Variants in BBX observed in about 807,000 individuals in gnomAD.
BBX encodes the protein BBX high mobility group box domain containing.
A neutral mutation model predicts 100.2 loss-of-function variants in BBX; 30 were observed. The ratio of observed to expected loss-of-function variants is 0.30; its 90% CI spans 0.22 to 0.41. The LOEUF is 0.41. BBX is among the 10% of genes least tolerant of loss of function. The probability of loss-of-function intolerance (pLI) is 1.00; values close to 1 mark genes in which losing one functional copy is unlikely to be tolerated. For synonymous variants in BBX, 376 were observed against 388.1 expected, an observed-to-expected ratio of 0.97 and a Z score of 0.37; for missense variants, 1,023 against 1,129.8, an observed-to-expected ratio of 0.91 and a Z score of 1.35.
At chr3:107,779,015 A>ATG (rs1304276904) in intron 13 of BBX, among the ~76,000 whole-genome samples, 12 of 72,166 alleles carry the variant, frequency 1.7e-4, no homozygotes, top group Non-Finnish European at 3.9e-4. Flanking sequence ...ATATATATAT[A>ATG]TATATACACA....
chr3:107,805,160 G>A (rs1002208111), intron 17 of BBX, among the ~76,000 whole-genome samples: 4 of 152,014 alleles, frequency 2.6e-5, no homozygotes, highest in African/African-American at 9.7e-5. Flanking sequence ...TAGGAAGGGA[G>A]ACAGAATGGG....
At chr3:107,731,974 A>C (rs1277357978) in intron 6 of BBX, among the ~76,000 whole-genome samples, 1 of 152,144 alleles carries the variant, frequency 6.6e-6, no homozygotes, top group South Asian at 2.1e-4. Context: ...TACACTTCTG[A>C]ATTTTAATTC....
At chr3:107,750,142 C>G (rs2064963873) in intron 9 of BBX, among the ~76,000 whole-genome samples, 1 of 152,106 alleles carries the variant, frequency 6.6e-6, no homozygotes, top group Non-Finnish European at 1.5e-5. Flanking sequence ...CTTAATTATA[C>G]TAAGTTTTCT....
chr3:107,661,790 C>G, intron 3 of BBX: 1 of 756,916 alleles, frequency 1.3e-6, no homozygotes, highest in Non-Finnish European at 1.6e-6. Context: ...CTGTGTTTCT[C>G]CTGACTGTCT....
chr3:107,795,107 C>A (rs574718819), intron 15 of BBX, among the ~76,000 whole-genome samples: 1 of 152,312 alleles, frequency 6.6e-6, no homozygotes, highest in Non-Finnish European at 1.5e-5. Flanking sequence ...CAAAGCCTTT[C>A]TTTTCTTACA....
chr3:107,692,616 G>A (rs1301183849), intron 3 of BBX, among the ~76,000 whole-genome samples: 1 of 151,856 alleles, frequency 6.6e-6, no homozygotes, highest in Non-Finnish European at 1.5e-5. Flanking sequence ...ATTTGGGTTG[G>A]TTCCAAGTCT....
At chr3:107,695,790 G>T (rs2060548297) in intron 3 of BBX, among the ~76,000 whole-genome samples, 1 of 151,496 alleles carries the variant, frequency 6.6e-6, no homozygotes, top group Non-Finnish European at 1.5e-5. Flanking sequence ...AATGTTGACA[G>T]TGGGGTGTTA....
rs948207998 is a variant in BBX, at chr3:107,693,820, C to G, written c.-9-16632C>G. Among the ~76,000 whole-genome samples the G allele has an allele frequency of 6.7e-5, 10 of 150,282 alleles. No homozygotes were observed. In the East Asian group the frequency reaches 1.2e-3, roughly 18 times the overall value. ...GCCATTTTCACGATATTGATTCTTC[C>G]TACCCATGAGCATGGAATGTTCTTC... is the stretch of plus-strand genomic sequence containing the variant. On this transcript the variant is annotated intron_variant, in intron 3 of 17. Transcript: ENST00000325805.
intron 4 of BBX, among the ~76,000 whole-genome samples, chr3:107,713,362 AG>A (rs1237451134): frequency 1.3e-5 from 2 of 152,158 alleles, no homozygotes; most frequent in African/African-American, 4.8e-5. Flanking sequence ...TGCTGTTGTT[AG>A]AAGTTATCTC....
At chr3:107,564,748 T>C (rs2050756256) in intron 2 of BBX, among the ~76,000 whole-genome samples, 1 of 152,256 alleles carries the variant, frequency 6.6e-6, no homozygotes, top group Non-Finnish European at 1.5e-5. Flanking sequence ...AAATAAGTGA[T>C]TGACTTATAG....
chr3:107,615,951 G>T (rs1333416764), intron 2 of BBX, among the ~76,000 whole-genome samples: 1 of 141,278 alleles, frequency 7.1e-6, no homozygotes, highest in Non-Finnish European at 1.5e-5. Flanking sequence ...CTTCAAAGGA[G>T]GCAGTCCCCA....
intron 2 of BBX, among the ~76,000 whole-genome samples, chr3:107,547,556 T>G (rs974503892): frequency 1.3e-5 from 2 of 152,170 alleles, no homozygotes; most frequent in Non-Finnish European, 2.9e-5. Flanking sequence ...GGTTTTCTTT[T>G]CGTTTTATAT....
At chr3:107,796,372 T>A (rs1270243321) in intron 15 of BBX, among the ~76,000 whole-genome samples, 2 of 152,210 alleles carry the variant, frequency 1.3e-5, no homozygotes, top group African/African-American at 4.8e-5. Context: ...TATATACCCT[T>A]ATTTCTACAT....
At chr3:107,597,897 G>A (rs2053773896) in intron 2 of BBX, among the ~76,000 whole-genome samples, 1 of 152,062 alleles carries the variant, frequency 6.6e-6, no homozygotes, top group Non-Finnish European at 1.5e-5. Flanking sequence ...ATGCCCCAGA[G>A]TGAGAAACTG....
rs1184948937 is a variant in BBX, at chr3:107,614,021, G to A, written c.-83-31815G>A. 8.2e-5 allele frequency among the ~76,000 whole-genome samples: 11 copies of A among 133,386 alleles called. No homozygotes were observed. The South Asian group carries it at 1.4e-3, about 17-fold the overall frequency. 87.5% of individuals were successfully genotyped at this position (133,386 alleles called of 152,430 possible). A position where few individuals can be genotyped will look rare whatever the true frequency, so the allele number is the denominator to read the frequency against. ...GGCTGGAGTGCAGTGGCGCAATCTC[G>A]GCTCACTGGAACCTCCGCCTCCTGG... On this transcript the variant is annotated intron_variant, in intron 2 of 17. Transcript: ENST00000325805.
chr3:107,700,414 CATTATTATTATT>C (rs71113690), intron 3 of BBX, among the ~76,000 whole-genome samples: 83 of 70,088 alleles, frequency 1.2e-3, no homozygotes, highest in Admixed American at 2.0e-3. Context: ...CTTTCATCAT[CATTATTATTATT>C]ATTATTATTA....
chr3:107,626,811 C>A (rs1369450827), intron 2 of BBX, among the ~76,000 whole-genome samples: 2 of 152,026 alleles, frequency 1.3e-5, no homozygotes, highest in African/African-American at 4.8e-5. Context: ...CCCACCACCA[C>A]GGCTGACTAA....
At chr3:107,703,988 T>C (rs1447412029) in intron 3 of BBX, among the ~76,000 whole-genome samples, 1 of 152,224 alleles carries the variant, frequency 6.6e-6, no homozygotes, top group Non-Finnish European at 1.5e-5. Flanking sequence ...AGTTGGCAGA[T>C]TGAAGAGCTT....
At chr3:107,658,397 T>TA (rs769602279) in intron 3 of BBX, among the ~76,000 whole-genome samples, 1 of 152,196 alleles carries the variant, frequency 6.6e-6, no homozygotes, top group Non-Finnish European at 1.5e-5. Context: ...TCAAATGCCT[T>TA]ACTCATAAGT....
Sources: allele counts gnomAD v4.1 joint callset (sites outside exome capture counted in the v4.1 genomes callset), GRCh38; gene constraint gnomAD v4.1.1; transcripts MANE v1.5; gene names NCBI Gene and HGNC (gene_info 2026-07-23, HGNC 2026-07-21).